Variants in RAP1GAP2 observed in about 807,000 individuals in gnomAD.
The protein encoded by RAP1GAP2 is RAP1 GTPase activating protein 2.
A neutral mutation model predicts 95.0 loss-of-function variants in RAP1GAP2; 27 were observed. That is an observed-to-expected ratio of 0.28 (90% CI 0.21 to 0.39). The LOEUF (loss-of-function observed/expected upper bound fraction) is 0.39, where lower values mean the gene tolerates loss of function less well. Among genes scored for constraint, RAP1GAP2 ranks in the 10% least tolerant of loss-of-function variants. RAP1GAP2 has a pLI of 1.00. For synonymous variants in RAP1GAP2, 373 were observed against 380.9 expected, an observed-to-expected ratio of 0.98 and a Z score of 0.24; for missense variants, 771 against 970.0, an observed-to-expected ratio of 0.79 and a Z score of 2.72.
At chr17:2,890,923 T>C (rs1268059844) in intron 2 of RAP1GAP2, among the ~76,000 whole-genome samples, 1 of 151,866 alleles carries the variant, frequency 6.6e-6, no homozygotes, top group Non-Finnish European at 1.5e-5. Context: ...TGACCTCTAG[T>C]GATCTGCCCA....
chr17:2,961,735 A>G (rs1242288257), intron 4 of RAP1GAP2, among the ~76,000 whole-genome samples: 2 of 152,202 alleles, frequency 1.3e-5, no homozygotes, highest in African/African-American at 4.8e-5. Flanking sequence ...GTCAAGGGTC[A>G]CAAATAGTAA....
intron 2 of RAP1GAP2, among the ~76,000 whole-genome samples, chr17:2,900,118 A>C (rs142534442): frequency 7.9e-5 from 12 of 152,162 alleles, no homozygotes; most frequent in Non-Finnish European, 1.3e-4. Context: ...AGGAAAGGGG[A>C]GTTTCAGGCT....
chr17:2,989,092 C>CAAA (rs547650695), intron 11 of RAP1GAP2, among the ~76,000 whole-genome samples: 1 of 113,902 alleles, frequency 8.8e-6, no homozygotes, highest in East Asian at 2.6e-4. Flanking sequence ...AAAAACAAAA[C>CAAA]AAAAAAAAAA....
At chr17:2,939,171 A>G (rs544485861) in intron 3 of RAP1GAP2, among the ~76,000 whole-genome samples, 76 of 151,992 alleles carry the variant, frequency 5.0e-4, no homozygotes, top group Admixed American at 2.4e-3. Flanking sequence ...GCTCACTGCA[A>G]TGTCTGCCTC....
intron 2 of RAP1GAP2, among the ~76,000 whole-genome samples, chr17:2,834,578 C>A (rs1419289311): frequency 6.6e-6 from 1 of 152,162 alleles, no homozygotes; most frequent in African/African-American, 2.4e-5. Flanking sequence ...GGGCAGATGG[C>A]TCGAGCCCAG....
At chr17:3,026,666 T>C (rs561514099) in intron 21 of RAP1GAP2, among the ~76,000 whole-genome samples, 2 of 152,256 alleles carry the variant, frequency 1.3e-5, no homozygotes, top group East Asian at 3.9e-4. Flanking sequence ...CAGAGTGACA[T>C]AGCAGCAGCA....
rs772633231 is a variant in RAP1GAP2, at chr17:2,965,630, C to T, written c.583C>T (p.Arg195Trp). The T allele has an allele frequency of 1.3e-5, 21 of 1,608,544 alleles. No individual in the cohort carries two copies. Among genetic ancestry groups the T allele is most frequent in the Middle Eastern group, 1.8e-4 (1 of 5,538 alleles). Residue 195 changes from arginine to tryptophan, a missense_variant, in exon 8 of 25, where the codon CGG becomes TGG. Arg to Trp is a moderately radical substitution (Grantham distance 101). Transcript: ENST00000254695. This position sits in a 1 kb window ranked among gnomAD's most constrained non-coding sequence, Gnocchi z 4.7. ...GGAAGCAGAGGGGATCGAGTACCTC[C>T]GGGTCATCCTTAGGTAGGGCTGTTG... ...CEEAEGIEYLRVILRSKLKTV... is the reference protein window; with the variant it reads ...CEEAEGIEYLWVILRSKLKTV...
chr17:2,767,344 A>G (rs2068294621), intron 1 of RAP1GAP2, among the ~76,000 whole-genome samples: 1 of 134,784 alleles, frequency 7.4e-6, no homozygotes, highest in African/African-American at 2.8e-5. Context: ...CCTGGGCAAC[A>G]GAGTGAGACT....
chr17:2,827,172 T>G lies in RAP1GAP2; in HGVS notation c.80+26622T>G, dbSNP rs2070606171. On this transcript the variant is annotated intron_variant, in intron 2 of 24. Coordinates refer to ENST00000254695, the MANE Select transcript of RAP1GAP2 (RefSeq NM_015085.5). The surrounding 1 kb of genome is among the most constrained non-coding windows in gnomAD (Gnocchi z 4.1). ...ATGATGCCTTCGGCCTTGAGTGTGGTGCGTTTGAGGAGCTTGTGGATCGTC... is the reference window on the plus strand; with the variant it reads ...ATGATGCCTTCGGCCTTGAGTGTGGGGCGTTTGAGGAGCTTGTGGATCGTC... Among the ~76,000 whole-genome samples the G allele has an allele frequency of 6.6e-6, 1 of 152,120 alleles. No homozygotes were observed. Among genetic ancestry groups the G allele is most frequent in the African/African-American group, 2.4e-5 (1 of 41,440 alleles).
At chr17:2,796,120 G>A (rs2069073181), upstream of RAP1GAP2, among the ~76,000 whole-genome samples, 1 of 152,154 alleles carries the variant, frequency 6.6e-6, no homozygotes, top group Non-Finnish European at 1.5e-5. The surrounding 1 kb of genome is among the most constrained non-coding windows in gnomAD (Gnocchi z 4.7). Context: ...CGTCCCTGAG[G>A]CTTCCAGCTG....
chr17:3,030,582 G>A (rs913338870), intron 22 of RAP1GAP2, among the ~76,000 whole-genome samples: 2 of 152,106 alleles, frequency 1.3e-5, no homozygotes, highest in Non-Finnish European at 2.9e-5. Flanking sequence ...TCTACCACAT[G>A]GATACAATAG....
chr17:2,768,120 TA>T (rs2068312067), intron 1 of RAP1GAP2, among the ~76,000 whole-genome samples: 1 of 152,198 alleles, frequency 6.6e-6, no homozygotes, highest in Non-Finnish European at 1.5e-5. Flanking sequence ...TTTGCTATTA[TA>T]GACAATCCCA....
chr17:2,815,688 A>C (rs554723864), intron 2 of RAP1GAP2, among the ~76,000 whole-genome samples: 3 of 152,004 alleles, frequency 2.0e-5, no homozygotes, highest in East Asian at 3.9e-4. Context: ...CACCACGTTG[A>C]CCAGGCTGGT....
At position 3,018,054 on chromosome 17, in the gene RAP1GAP2, C is replaced by G; in HGVS notation, c.1495-7C>G. On this transcript the variant is annotated splice_region_variant and splice_polypyrimidine_tract_variant and intron_variant, in intron 17 of 24. Coordinates refer to ENST00000254695, the MANE Select transcript of RAP1GAP2 (RefSeq NM_015085.5). ...CTGATTCTCAGGCCCTTGTTCTCTCCCCGTAGAGGGCCATCCGCGTACGCA... is the reference window on the plus strand; with the variant it reads ...CTGATTCTCAGGCCCTTGTTCTCTCGCCGTAGAGGGCCATCCGCGTACGCA... The G allele has an allele frequency of 1.3e-6, 2 of 1,576,408 alleles. No homozygotes were observed. The highest frequency in any genetic ancestry group is 2.4e-5 in the East Asian group (1 of 42,496).
At position 2,904,608 on chromosome 17, in the gene RAP1GAP2, C is replaced by T. The variant is rs2042138025; in HGVS notation, c.81-676C>T. Among the ~76,000 whole-genome samples the T allele has an allele frequency of 1.4e-5, 2 of 143,226 alleles. No individual in the cohort carries two copies. 94.0% of individuals were successfully genotyped at this position (143,226 alleles called of 152,430 possible). A position where few individuals can be genotyped will look rare whatever the true frequency, so the allele number is the denominator to read the frequency against. The stretch of plus-strand genomic sequence containing the variant: ...CTCAAGGGAGAATGAATCCGCGTTT[C>T]TCCCCTCCTCTTCTCACACCCAGCC... On this transcript the variant is annotated intron_variant, in intron 2 of 24. Coordinates refer to ENST00000254695, the MANE Select transcript of RAP1GAP2 (RefSeq NM_015085.5). This position sits in a 1 kb window ranked among gnomAD's most constrained non-coding sequence, Gnocchi z 4.7.
intron 5 of RAP1GAP2, chr17:2,962,974 G>A: frequency 3.7e-6 from 2 of 547,500 alleles, no homozygotes; most frequent in South Asian, 5.0e-5. Flanking sequence ...TTGGCCGTTT[G>A]GCCCGGCTCT....
chr17:2,818,260 A>C (rs992946260), intron 2 of RAP1GAP2, among the ~76,000 whole-genome samples: 1 of 151,966 alleles, frequency 6.6e-6, no homozygotes, highest in African/African-American at 2.4e-5. Flanking sequence ...AGGGGCTACC[A>C]TTAGCAGGAA....
intron 2 of RAP1GAP2, among the ~76,000 whole-genome samples, chr17:2,832,774 G>C (rs1345608974): frequency 6.6e-6 from 1 of 151,628 alleles, no homozygotes; most frequent in Non-Finnish European, 1.5e-5. Context: ...TCAGGAATTC[G>C]AGTCCAGCCT....
At chr17:2,848,659 G>C (rs1206621568) in intron 2 of RAP1GAP2, among the ~76,000 whole-genome samples, 1 of 151,876 alleles carries the variant, frequency 6.6e-6, no homozygotes, top group Non-Finnish European at 1.5e-5. Flanking sequence ...TATTCCAAGC[G>C]CCCGCCACCA....
Sources: allele counts gnomAD v4.1 joint callset (sites outside exome capture counted in the v4.1 genomes callset), GRCh38; gene constraint gnomAD v4.1.1; non-coding constraint Gnocchi (gnomAD v3.1); transcripts MANE v1.5; gene names NCBI Gene and HGNC (gene_info 2026-07-23, HGNC 2026-07-21).